Variants in MAPDA observed in about 807,000 individuals in gnomAD.
The protein encoded by MAPDA is N6-Methyl-AMP deaminase, also known as N6,N6-dimethyl-AMP deaminase.
the MAPDA span, chr15:43,340,358 A>T: frequency 6.2e-7 from 1 of 1,610,264 alleles, no homozygotes; most frequent in African/African-American, 1.3e-5. Context: ...TACTGGTAGA[A>T]TTTATACTTC....
the MAPDA span, among the ~76,000 whole-genome samples, chr15:43,338,718 C>T: frequency 6.6e-6 from 1 of 152,198 alleles, no homozygotes; most frequent in Non-Finnish European, 1.5e-5. Flanking sequence ...TACCGCACTA[C>T]CTGCTGCACA....
At chr15:43,340,301 G>A in the MAPDA span, 7 of 1,613,864 alleles carry the variant, frequency 4.3e-6, no homozygotes, top group South Asian at 1.1e-5. Flanking sequence ...TGCAGATGAC[G>A]GCGTCAAGTA....
chr15:43,336,523 T>C, the MAPDA span: 1 of 855,616 alleles, frequency 1.2e-6, no homozygotes, highest in Non-Finnish European at 1.7e-6. Flanking sequence ...TAGTTCTTTG[T>C]AAATATAAAT....
At chr15:43,347,058 A>G in the MAPDA span, 1 of 1,613,772 alleles carries the variant, frequency 6.2e-7, no homozygotes. Context: ...TTTAGAAGCT[A>G]AGAAAGCAGG....
At chr15:43,345,086 G>A in the MAPDA span, among the ~76,000 whole-genome samples, 1 of 152,190 alleles carries the variant, frequency 6.6e-6, no homozygotes, top group South Asian at 2.1e-4. Context: ...TGGGCATGGT[G>A]GTTCACGCCT....
the MAPDA span, among the ~76,000 whole-genome samples, chr15:43,336,876 A>G: frequency 6.6e-6 from 1 of 152,208 alleles, no homozygotes; most frequent in East Asian, 1.9e-4. Flanking sequence ...GTTTCTTGTA[A>G]AAGATATGAG....
At chr15:43,351,220 G>C in the MAPDA span, 1 of 578,866 alleles carries the variant, frequency 1.7e-6, no homozygotes, top group East Asian at 3.1e-5. Flanking sequence ...CAGCTACTCG[G>C]GAGACTAAGG....
chr15:43,340,557 G>T, the MAPDA span, among the ~76,000 whole-genome samples: 27,657 of 152,022 alleles, frequency 0.18, 3,344 homozygotes, highest in African/African-American at 0.33. Flanking sequence ...ACAGGGTCTT[G>T]CTGTCTTGCC....
the MAPDA span, among the ~76,000 whole-genome samples, chr15:43,348,381 T>C: frequency 6.6e-6 from 1 of 152,188 alleles, no homozygotes; most frequent in African/African-American, 2.4e-5. Context: ...ATAAGAGTTA[T>C]GTATACCTGA....
the MAPDA span, among the ~76,000 whole-genome samples, chr15:43,339,473 C>T: frequency 6.6e-6 from 1 of 152,158 alleles, no homozygotes; most frequent in Non-Finnish European, 1.5e-5. Flanking sequence ...AACAGCCAGC[C>T]CCTCTTGCTT....
At chr15:43,345,714 G>A in the MAPDA span, 1 of 974,520 alleles carries the variant, frequency 1.0e-6, no homozygotes, top group Non-Finnish European at 1.5e-6. Context: ...AAAATGTCAT[G>A]TTGTCTAGAT....
chr15:43,339,590 A>G, the MAPDA span, among the ~76,000 whole-genome samples: 2 of 152,206 alleles, frequency 1.3e-5, no homozygotes, highest in African/African-American at 4.8e-5. Flanking sequence ...AGCTTCGCCA[A>G]CCTAGCCTTT....
chr15:43,341,711 T>C, the MAPDA span, among the ~76,000 whole-genome samples: 3 of 152,062 alleles, frequency 2.0e-5, no homozygotes, highest in Admixed American at 2.0e-4. Context: ...ACCATGATCG[T>C]GCCACTGCCC....
At chr15:43,336,343 C>G in the MAPDA span, among the ~76,000 whole-genome samples, 3 of 152,288 alleles carry the variant, frequency 2.0e-5, no homozygotes, top group Admixed American at 2.0e-4. Context: ...TTATACCCAG[C>G]ATGTGATAGT....
the MAPDA span, among the ~76,000 whole-genome samples, chr15:43,342,562 C>T: frequency 6.6e-6 from 1 of 151,560 alleles, no homozygotes; most frequent in African/African-American, 2.4e-5. Context: ...CCAGCTTGGG[C>T]AACATAGCAA....
chr15:43,348,786 A>C, the MAPDA span: 17 of 936,140 alleles, frequency 1.8e-5, no homozygotes, highest in South Asian at 2.6e-4. Flanking sequence ...GAAGTAGTTC[A>C]GTTTTCCAAA....
At chr15:43,343,101 AAC>A in the MAPDA span, 1 of 1,455,474 alleles carries the variant, frequency 6.9e-7, no homozygotes, top group Non-Finnish European at 9.3e-7. Context: ...CTTAGTAGTT[AAC>A]ATTTACAAAA....
chr15:43,335,786 A>C, the MAPDA span: 1 of 1,614,020 alleles, frequency 6.2e-7, no homozygotes, highest in South Asian at 1.1e-5. Flanking sequence ...CCACGATCAG[A>C]TGACTGTGAT....
chr15:43,343,533 TTA>T, the MAPDA span, among the ~76,000 whole-genome samples: 1 of 152,206 alleles, frequency 6.6e-6, no homozygotes, highest in Non-Finnish European at 1.5e-5. Context: ...CTTCTTCTCA[TTA>T]TTCAGATCTC....
Sources: allele counts gnomAD v4.1 joint callset (sites outside exome capture counted in the v4.1 genomes callset), GRCh38; gene constraint gnomAD v4.1.1; transcripts MANE v1.5; gene names NCBI Gene and HGNC (gene_info 2026-07-23, HGNC 2026-07-21).